Variants in ATP10D observed in about 807,000 individuals in gnomAD.
ATP10D encodes ATPase phospholipid transporting 10D (putative).
Under a neutral mutation model 144.8 loss-of-function variants are expected in ATP10D, and 89 were observed. The observed-to-expected ratio is 0.61, with a 90% confidence interval of 0.52 to 0.73. The LOEUF (loss-of-function observed/expected upper bound fraction) is 0.73. Ranked by LOEUF, ATP10D falls within the 30% of genes least tolerant of loss-of-function variation. The pLI, the probability that ATP10D is intolerant of heterozygous loss-of-function variation, is 0.00. For synonymous variants in ATP10D, 571 were observed against 615.1 expected, an observed-to-expected ratio of 0.93 and a Z score of 1.06; for missense variants, 1,603 against 1,714.8, an observed-to-expected ratio of 0.93 and a Z score of 1.15.
chr4:47,525,679 G>C, intron 5 of ATP10D, 37 bp downstream of exon 5: 6 of 1,474,776 alleles, frequency 4.1e-6, no homozygotes, highest in Non-Finnish European at 5.7e-6. Flanking sequence ...GGGTGTAAGT[G>C]GAATTGTGTG....
chr4:47,546,662 G>C lies in ATP10D; in HGVS notation c.1435G>C (p.Asp479His), dbSNP rs1298216696. ...LESYQEAVSEDEDFIDTVSGS... is the reference protein window; with the variant it reads ...LESYQEAVSEHEDFIDTVSGS... ...GTCCTATCAGGAAGCTGTCTCTGAAGATGAAGATTTTATAGACACAGTCAG... is the reference window on the plus strand; with the variant it reads ...GTCCTATCAGGAAGCTGTCTCTGAACATGAAGATTTTATAGACACAGTCAG... The change falls in exon 10 of 23, where the codon GAT becomes CAT. Residue 479 changes from aspartate to histidine, a missense_variant. By Grantham distance (81) the Asp-to-His change is moderately conservative. Coordinates refer to ENST00000273859, the MANE Select transcript of ATP10D (RefSeq NM_020453.4). 6.2e-7 allele frequency: 1 copy of C among 1,614,114 alleles called. No individual in the cohort carries two copies. Among genetic ancestry groups the C allele is most frequent in the Admixed American group, 1.7e-5 (1 of 60,032 alleles).
chr4:47,494,360 G>A (rs7693300), intron 1 of ATP10D, among the ~76,000 whole-genome samples: 12,443 of 151,816 alleles, frequency 0.082, 563 homozygotes, highest in East Asian at 0.12. Flanking sequence ...TTTTGAAGTG[G>A]TAAGGAACGA....
intron 20 of ATP10D, among the ~76,000 whole-genome samples, chr4:47,581,379 A>C (rs565099467): frequency 6.6e-6 from 1 of 152,342 alleles, no homozygotes; most frequent in African/African-American, 2.4e-5. Flanking sequence ...AGTATTAAGA[A>C]TGAAAAAGAT....
At chr4:47,532,783 A>G (rs1419535446) in intron 5 of ATP10D, among the ~76,000 whole-genome samples, 1 of 152,172 alleles carries the variant, frequency 6.6e-6, no homozygotes, top group African/African-American at 2.4e-5. Context: ...TTCGTATCAT[A>G]CTATCATATT....
At chr4:47,526,423 A>G (rs1272680644) in intron 5 of ATP10D, among the ~76,000 whole-genome samples, 1 of 152,222 alleles carries the variant, frequency 6.6e-6, no homozygotes, top group African/African-American at 2.4e-5. Context: ...TTAATCTGAT[A>G]AAAGGCACCC....
Position 47,568,839 on chromosome 4 carries a change from T to C in ATP10D, c.2856T>C (p.Asp952=). The part of the protein sequence containing the change: ...KLFILNTQSK[D]ACGMLMSTIL... ...CCACCTTTGCCTCTTGTTTCAAGGA[T>C]GCCTGTGGGATGCTGATGAGCACAA... is the stretch of plus-strand genomic sequence containing the variant. The change falls in exon 16 of 23, where the codon GAT becomes GAC. Residue 952 remains aspartate, a splice_region_variant and synonymous_variant. Coordinates refer to ENST00000273859, the MANE Select transcript of ATP10D (RefSeq NM_020453.4). The C allele has an allele frequency of 6.2e-7, 1 of 1,611,632 alleles. No individual in the cohort carries two copies. The highest frequency in any genetic ancestry group is 8.5e-7 in the Non-Finnish European group (1 of 1,178,156).
At chr4:47,527,479 A>G (rs942299107) in intron 5 of ATP10D, among the ~76,000 whole-genome samples, 6 of 152,178 alleles carry the variant, frequency 3.9e-5, no homozygotes, top group Non-Finnish European at 7.4e-5. Context: ...TGCTCCTCCA[A>G]TGATACTGTT....
At chr4:47,509,475 T>C (rs1050780009) in intron 1 of ATP10D, among the ~76,000 whole-genome samples, 6 of 152,188 alleles carry the variant, frequency 3.9e-5, no homozygotes, top group Admixed American at 2.0e-4. Flanking sequence ...TGTTTTGATA[T>C]GTGGATGTAT....
chr4:47,495,912 T>C (rs1448319080), intron 1 of ATP10D, among the ~76,000 whole-genome samples: 1 of 151,736 alleles, frequency 6.6e-6, no homozygotes, highest in Non-Finnish European at 1.5e-5. Flanking sequence ...TAATTTTGTA[T>C]TTTTAGTAGA....
chr4:47,528,814 A>G (rs1307540925), intron 5 of ATP10D, among the ~76,000 whole-genome samples: 2 of 152,026 alleles, frequency 1.3e-5, no homozygotes, highest in Non-Finnish European at 2.9e-5. Flanking sequence ...CCTTGCCAAC[A>G]TCTGTTATTT....
intron 5 of ATP10D, among the ~76,000 whole-genome samples, chr4:47,530,989 G>A (rs1414095641): frequency 1.3e-5 from 2 of 152,056 alleles, no homozygotes; most frequent in Non-Finnish European, 2.9e-5. Context: ...CCAGATTTGG[G>A]TATCATGGTG....
intron 20 of ATP10D, 121 bp downstream of exon 20, chr4:47,580,599 C>T: frequency 1.2e-6 from 1 of 842,594 alleles, no homozygotes; most frequent in South Asian, 1.5e-5. Flanking sequence ...TGATTATTAA[C>T]TGACTAAATT....
chr4:47,515,513 A>T lies in ATP10D; in HGVS notation c.328A>T (p.Asn110Tyr). The change falls in exon 3 of 23, where the codon AAC (asparagine) becomes TAC (tyrosine). Residue 110 changes from asparagine to tyrosine, a missense_variant. Coordinates refer to ENST00000273859, the MANE Select transcript of ATP10D (RefSeq NM_020453.4). ...NLYFLFLVVL[N>Y]WVPLVEAFQK... is the part of the protein sequence containing the mutation. ...ATATTTCCTGTTCCTAGTTGTCCTG[A>T]ACTGGGTACCTTTGGTAGAAGCCTT... The T allele has an allele frequency of 6.2e-7, 1 of 1,613,818 alleles. No individual in the cohort carries two copies. The highest frequency in any genetic ancestry group is 8.5e-7 in the Non-Finnish European group (1 of 1,179,806).
rs369361254 is a variant in ATP10D, at chr4:47,561,641, A to C, written c.2668+566A>C. 3.3e-5 allele frequency among the ~76,000 whole-genome samples: 5 copies of C among 152,186 alleles called. No individual in the cohort carries two copies. The East Asian group carries it at 9.7e-4, about 29-fold the overall frequency. On this transcript the variant is annotated intron_variant, in intron 14 of 22. Coordinates refer to ENST00000273859, the MANE Select transcript of ATP10D (RefSeq NM_020453.4). ...GAAATTTATTTTTCTTCTCTTCCTG[A>C]TTTCAACTAAAATTGCACAACTGAC...
chr4:47,554,894 C>T lies in ATP10D; in HGVS notation c.1804C>T (p.Pro602Ser). Residue 602 changes from proline (P) to serine (S), a missense_variant, in exon 11 of 23, where the codon CCT becomes TCT. Coordinates refer to ENST00000273859, the MANE Select transcript of ATP10D (RefSeq NM_020453.4). ...TTGCAACACAGTAGTGGTTTCTGCT[C>T]CTAACCAACCCCGACAAAAGGTGAG... ...AICNTVVVSAPNQPRQKIRHP... is the reference protein window; with the variant it reads ...AICNTVVVSASNQPRQKIRHP... The T allele has an allele frequency of 6.2e-7, 1 of 1,613,758 alleles. No individual in the cohort carries two copies. The highest frequency in any genetic ancestry group is 8.5e-7 in the Non-Finnish European group (1 of 1,179,878).
At chr4:47,551,423 A>G (rs1241122170) in intron 10 of ATP10D, among the ~76,000 whole-genome samples, 1 of 152,096 alleles carries the variant, frequency 6.6e-6, no homozygotes, top group Non-Finnish European at 1.5e-5. Flanking sequence ...TGAAGTAAAA[A>G]TTTTCTTGAA....
chr4:47,586,969 A>T (rs1248626317), intron 21 of ATP10D, 50 bp from the exon 22 acceptor site: 1 of 1,555,394 alleles, frequency 6.4e-7, no homozygotes, highest in East Asian at 2.2e-5. Flanking sequence ...GGGTGGCAAT[A>T]CTGTATCAGT....
chr4:47,491,039 C>G, intron 1 of ATP10D: 3 of 717,760 alleles, frequency 4.2e-6, no homozygotes, highest in South Asian at 4.1e-5. Context: ...TTCCCATTGG[C>G]TCTCACAAAG....
intron 14 of ATP10D, among the ~76,000 whole-genome samples, chr4:47,561,560 G>A (rs933597913): frequency 3.9e-5 from 6 of 152,058 alleles, no homozygotes; most frequent in Non-Finnish European, 2.9e-5. Context: ...ACCAAACATG[G>A]AGCTCATGTT....
Sources: allele counts gnomAD v4.1 joint callset (sites outside exome capture counted in the v4.1 genomes callset), GRCh38; gene constraint gnomAD v4.1.1; transcripts MANE v1.5; gene names NCBI Gene and HGNC (gene_info 2026-07-23, HGNC 2026-07-21).